GSS: variants seen among roughly 807,000 people sequenced by gnomAD.
GSS encodes the protein glutathione synthetase, also known as GSH synthetase.
In GSS, 34 loss-of-function variants were observed where a neutral mutation model predicts 60.4. The observed-to-expected ratio is 0.56, with a 90% confidence interval of 0.43 to 0.75. The LOEUF is 0.75. Among genes scored for constraint, GSS ranks in the 30% least tolerant of loss-of-function variants. The pLI is 0.00. For synonymous variants in GSS, 224 were observed against 239.0 expected (o/e 0.94, Z 0.58); for missense variants, 499 against 595.1 (o/e 0.84, Z 1.68).
At chr20:34,952,176 G>A (rs754161065) in intron 1 of GSS, 7 of 399,434 alleles carry the variant, frequency 1.8e-5, no homozygotes, top group Admixed American at 3.6e-5. Flanking sequence ...GGTATAGCCT[G>A]GACTTGAACC....
intron 2 of GSS, among the ~76,000 whole-genome samples, chr20:34,947,318 C>G (rs2081530423): frequency 6.6e-6 from 1 of 152,132 alleles, no homozygotes; most frequent in African/African-American, 2.4e-5. Flanking sequence ...AAACACCTGG[C>G]CTCAAGTGAT....
At position 34,932,191 on chromosome 20, in the gene GSS, C is replaced by A. The variant is rs1038879452; in HGVS notation, c.835-58G>T. Reference sequence around the variant, plus strand: ...TTTATTTTACTTCAGCTGACGTTTACTGAACATCCATCCATTAGGTGCCAG... The same window carrying A: ...TTTATTTTACTTCAGCTGACGTTTAATGAACATCCATCCATTAGGTGCCAG... On this transcript the variant is annotated intron_variant, in intron 9 of 12. Transcript: ENST00000651619. 8.2e-6 allele frequency: 11 copies of A among 1,339,860 alleles called. No individual in the cohort carries two copies. In the African/African-American group the frequency reaches 1.6e-4, roughly 19 times the overall value. 83.0% of individuals were successfully genotyped at this position (1,339,860 alleles called of 1,614,324 possible). A position where few individuals can be genotyped will look rare whatever the true frequency, so the allele number is the denominator to read the frequency against.
At chr20:34,946,250 G>C (rs2081522104) in intron 2 of GSS, 152 bp from the exon 3 acceptor site, 2 of 606,228 alleles carry the variant, frequency 3.3e-6, no homozygotes, top group Non-Finnish European at 5.7e-6. Flanking sequence ...GGAAGGGGGA[G>C]AGTGGAACCC....
chr20:34,929,436 G>A lies in GSS; in HGVS notation c.1266C>T (p.Cys422=), dbSNP rs1315393238. Residue 422 remains cysteine, a synonymous_variant, in exon 12 of 13, where the codon TGC becomes TGT. Transcript: ENST00000651619. ...CCCCAAAGATGCCCAGCTCTGAAAT[G>A]CACTGGACCACTCGGGCAGGGCTGC... ...RPGSPARVVQ[C]ISELGIFGVY... 6.2e-7 allele frequency: 1 copy of A among 1,614,126 alleles called. No homozygotes were observed. Among genetic ancestry groups the A allele is most frequent in the Admixed American group, 1.7e-5 (1 of 60,012 alleles).
chr20:34,934,543 C>T (rs2081425995), intron 9 of GSS, among the ~76,000 whole-genome samples: 1 of 152,146 alleles, frequency 6.6e-6, no homozygotes, highest in South Asian at 2.1e-4. Context: ...TCCCAAAGTG[C>T]TGGGATTATA....
At chr20:34,941,028 T>C (rs955395461) in intron 6 of GSS, among the ~76,000 whole-genome samples, 14 of 152,010 alleles carry the variant, frequency 9.2e-5, no homozygotes, top group African/African-American at 3.1e-4. Flanking sequence ...AAGTAAGAGC[T>C]GAGAATTGGG....
chr20:34,942,911 G>A lies in GSS; in HGVS notation c.351+20C>T, dbSNP rs1488574986. The A allele has an allele frequency of 2.0e-6, 3 of 1,530,000 alleles. No individual in the cohort carries two copies. Among genetic ancestry groups the A allele is most frequent in the East Asian group, 4.5e-5 (2 of 44,486 alleles). The allele number at this position is 1,530,000 out of a possible 1,614,324, so 94.8% of individuals were successfully genotyped here. ...TGGGAGGGACAGGTTACAGACTGGA[G>A]TAGGGCTGGGAATGGTTACCTGGGC... On this transcript the variant is annotated intron_variant, in intron 4 of 12. Coordinates refer to ENST00000651619, the MANE Select transcript of GSS (RefSeq NM_000178.4).
chr20:34,940,982 G>A (rs1469302897), intron 6 of GSS, among the ~76,000 whole-genome samples: 2 of 152,140 alleles, frequency 1.3e-5, no homozygotes, highest in Non-Finnish European at 2.9e-5. Flanking sequence ...ATGGGGGGTG[G>A]AGGATTCCAA....
Position 34,928,683 on chromosome 20 carries a change from G to T in GSS, c.*145C>A. 1.1e-6 allele frequency: 1 copy of T among 903,284 alleles called. No homozygotes were observed. The highest frequency in any genetic ancestry group is 1.6e-5 in the African/African-American group (1 of 60,890). The allele number at this position is 903,284 out of a possible 1,614,324, so 56.0% of individuals were successfully genotyped here. A position where few individuals can be genotyped will look rare whatever the true frequency, so the allele number is the denominator to read the frequency against. Reference sequence around the variant, plus strand: ...ATCTAAGGGAGACACAACTTTTCTGGTCCTCAGATGGAAAGCTGGGGGAAG... The same window carrying T: ...ATCTAAGGGAGACACAACTTTTCTGTTCCTCAGATGGAAAGCTGGGGGAAG... On this transcript the variant is annotated 3_prime_UTR_variant, in exon 13 of 13. Coordinates refer to ENST00000651619, the MANE Select transcript of GSS (RefSeq NM_000178.4).
chr20:34,930,875 G>C (rs1052244878), intron 11 of GSS, among the ~76,000 whole-genome samples: 29 of 151,862 alleles, frequency 1.9e-4, no homozygotes, highest in African/African-American at 7.0e-4. Context: ...CACTTTCATG[G>C]CCCGGTGCCT....
In GSS at chr20:34,929,403, G is replaced by C. The variant is rs1023809756; in HGVS notation, c.1299C>G (p.Val433=). The change falls in exon 12 of 13, where the codon GTC becomes GTG. Residue 433 remains valine, a splice_region_variant and synonymous_variant. Transcript: ENST00000651619. ...AGAGCTTCTCCTGATTGGCTCACCT[G>C]ACATAGACCCCAAAGATGCCCAGCT... ...ISELGIFGVY[V]RQEKTLVMNK... The C allele has an allele frequency of 1.9e-6, 3 of 1,613,390 alleles. No homozygotes were observed. In the African/African-American group the frequency reaches 4.0e-5, roughly 22 times the overall value.
chr20:34,942,874 AAC>A (rs1600386496), intron 4 of GSS, 55 bp downstream of exon 4: 1 of 1,287,582 alleles, frequency 7.8e-7, no homozygotes, highest in African/African-American at 1.5e-5. Context: ...CAAAACAGAA[AAC>A]AAACAGAGAT....
At chr20:34,942,758 G>C in intron 4 of GSS, 131 bp from the exon 5 acceptor site, 1 of 1,008,466 alleles carries the variant, frequency 9.9e-7, no homozygotes. Context: ...AAGCCCAGTG[G>C]AATCATTCTT....
chr20:34,937,100 C>T (rs1373604263), intron 6 of GSS, 77 bp from the exon 7 acceptor site: 23 of 926,692 alleles, frequency 2.5e-5, no homozygotes, highest in Non-Finnish European at 3.9e-5. Flanking sequence ...ACCCCCATAC[C>T]GCCCCACCTC....
chr20:34,932,344 C>T (rs1042380808), intron 9 of GSS, among the ~76,000 whole-genome samples: 13 of 150,954 alleles, frequency 8.6e-5, no homozygotes, highest in African/African-American at 3.0e-4. Flanking sequence ...AGGCAAGAAT[C>T]CCCCAATCTG....
chr20:34,950,734 A>T (rs2081562688), intron 2 of GSS, among the ~76,000 whole-genome samples: 2 of 152,044 alleles, frequency 1.3e-5, no homozygotes, highest in African/African-American at 4.8e-5. Flanking sequence ...GTGCCACTAC[A>T]CTCCAGCCTG....
intron 9 of GSS, among the ~76,000 whole-genome samples, chr20:34,933,081 T>A (rs974402869): frequency 6.6e-6 from 1 of 152,084 alleles, no homozygotes; most frequent in African/African-American, 2.4e-5. Flanking sequence ...CCTGAGCTCA[T>A]GCAATCCACC....
rs7266596 is a variant in GSS, at chr20:34,945,123, C to T, written c.275+830G>A. Among the ~76,000 whole-genome samples, 1,382 of 151,532 alleles carry T rather than the reference C, an allele frequency of 9.1e-3. 28 individuals carry two copies. The highest frequency in any genetic ancestry group is 0.032 in the African/African-American group (1,311 of 41,336). On this transcript the variant is annotated intron_variant, in intron 3 of 12. Transcript: ENST00000651619. ...GCAGCCTCTGCCTCCTGGGTTCAAG[C>T]GATTCTCCTGCCTCAGCCTCCCAAG...
intron 1 of GSS, among the ~76,000 whole-genome samples, chr20:34,953,843 G>A (rs1360147433): frequency 1.3e-5 from 2 of 151,902 alleles, no homozygotes; most frequent in Non-Finnish European, 2.9e-5. Context: ...TCTCGATCTC[G>A]TGATCCCCCA....
Sources: gnomAD v4.1 joint callset for allele counts (sites outside exome capture counted in the v4.1 genomes callset) on GRCh38, gnomAD v4.1.1 for gene constraint, MANE v1.5 for transcripts, NCBI Gene and HGNC (gene_info 2026-07-23, HGNC 2026-07-21) for gene names.